HSD11B1: variants seen among roughly 807,000 people sequenced by gnomAD.
HSD11B1 encodes hydroxysteroid 11-beta dehydrogenase 1, also known as 11-beta-hydroxysteroid dehydrogenase 1.
Under a neutral mutation model 22.1 loss-of-function variants are expected in HSD11B1, and 15 were observed. The ratio of observed to expected loss-of-function variants is 0.68; its 90% CI spans 0.45 to 1.04. The LOEUF (loss-of-function observed/expected upper bound fraction) is 1.04, where lower values mean the gene tolerates loss of function less well. Among genes scored for constraint, HSD11B1 ranks in the 50% least tolerant of loss-of-function variants. The pLI is 0.00. For missense variants in HSD11B1, 281 were observed against 357.6 expected (o/e 0.79, Z 1.73); for synonymous variants, 122 against 125.2 (o/e 0.97, Z 0.17).
chr1:209,696,852 G>A lies in HSD11B1; in HGVS notation c.-48-8043G>A, dbSNP rs548321952. ...TAACATTGCTGGGCATAGCTCCAGG[G>A]GCTGCAAGCCCTCAGGGTCAAGGCC... On this transcript the variant is annotated intron_variant, in intron 1 of 6. Transcript: ENST00000261465. Among the ~76,000 whole-genome samples the A allele has an allele frequency of 9.2e-5, 14 of 152,328 alleles. No individual in the cohort carries two copies. In the South Asian group the frequency reaches 2.9e-3, roughly 32 times the overall value.
intron 4 of HSD11B1, among the ~76,000 whole-genome samples, chr1:209,716,035 T>C (rs2076927720): frequency 6.6e-6 from 1 of 152,164 alleles, no homozygotes; most frequent in Non-Finnish European, 1.5e-5. Flanking sequence ...TAAACAAGGA[T>C]GCCCACTTTC....
chr1:209,690,271 G>T (rs551909805), intron 1 of HSD11B1, among the ~76,000 whole-genome samples: 1 of 152,190 alleles, frequency 6.6e-6, no homozygotes, highest in East Asian at 1.9e-4. Context: ...GCGCCACTGC[G>T]CTCCAGCCTG....
intron 1 of HSD11B1, 149 bp from the exon 2 acceptor site, chr1:209,705,662 C>A: frequency 1.0e-6 from 1 of 953,854 alleles, no homozygotes; most frequent in Non-Finnish European, 1.6e-6. Context: ...GGCCTGTTCC[C>A]ACAGTGATTT....
intron 4 of HSD11B1, among the ~76,000 whole-genome samples, chr1:209,725,842 C>G (rs562352007): frequency 6.6e-5 from 10 of 152,134 alleles, no homozygotes; most frequent in Non-Finnish European, 1.5e-4. Flanking sequence ...ATGGTCCTTA[C>G]GTGCATTGAA....
At chr1:209,710,134 T>C (rs931355237) in intron 4 of HSD11B1, among the ~76,000 whole-genome samples, 3 of 152,162 alleles carry the variant, frequency 2.0e-5, no homozygotes, top group African/African-American at 4.8e-5. Context: ...AATACTTGAA[T>C]ATGACTAAAA....
chr1:209,728,947 T>C (rs994814773), intron 4 of HSD11B1, among the ~76,000 whole-genome samples: 1 of 152,164 alleles, frequency 6.6e-6, no homozygotes, highest in Non-Finnish European at 1.5e-5. Context: ...TACCTGCAGT[T>C]AGGAATGATG....
intron 1 of HSD11B1, among the ~76,000 whole-genome samples, chr1:209,689,122 G>A (rs2076744567): frequency 6.6e-6 from 1 of 152,144 alleles, no homozygotes; most frequent in Non-Finnish European, 1.5e-5. Flanking sequence ...GTTAGGCATG[G>A]AGCTGGAAAT....
rs371864479 is a variant in HSD11B1 at position 209,706,922 on chromosome 1, T to G, written c.332-21T>G. On this transcript the variant is annotated intron_variant, in intron 3 of 5. Coordinates refer to ENST00000367027, the MANE Select transcript of HSD11B1 (RefSeq NM_005525.4). This position sits in a 1 kb window ranked among gnomAD's most constrained non-coding sequence, Gnocchi z 4.0. ...AAGGTATCAACCCCAGATGATTTCT[T>G]AATATAGCCATCTCTTGCAGGAGGA... 5 of 1,612,948 alleles carry G rather than the reference T, an allele frequency of 3.1e-6. No homozygotes were observed. Among genetic ancestry groups the G allele is most frequent in the Non-Finnish European group, 1.7e-6 (2 of 1,179,016 alleles).
Position 209,704,891 on chromosome 1 carries a change from G to A in HSD11B1, c.-52G>A. The A allele has an allele frequency of 7.1e-7, 1 of 1,398,948 alleles. No individual in the cohort carries two copies. Among genetic ancestry groups the A allele is most frequent in the Non-Finnish European group, 1.0e-6 (1 of 984,770 alleles). The allele number at this position is 1,398,948 out of a possible 1,614,324, so 86.7% of individuals were successfully genotyped here. A position where few individuals can be genotyped will look rare whatever the true frequency, so the allele number is the denominator to read the frequency against. On this transcript the variant is annotated 5_prime_UTR_variant, in exon 1 of 6. Transcript: ENST00000367027. ...TGCTTAGGAGGTTGTAGAAAGCTCT[G>A]TAGGTTCTCTCTGTGTGTCCTACAG... is the stretch of plus-strand genomic sequence containing the variant.
intron 1 of HSD11B1, among the ~76,000 whole-genome samples, chr1:209,692,331 A>G (rs985035741): frequency 6.6e-6 from 1 of 152,210 alleles, no homozygotes; most frequent in African/African-American, 2.4e-5. Context: ...TTTAATCGGG[A>G]CTATTGCAAT....
intron 1 of HSD11B1, among the ~76,000 whole-genome samples, chr1:209,686,607 T>C (rs1001208144): frequency 1.3e-5 from 2 of 152,206 alleles, no homozygotes; most frequent in African/African-American, 2.4e-5. Flanking sequence ...AAAGATAGTA[T>C]AAAAAGTGTC....
At chr1:209,695,827 A>G (rs2076788026) in intron 1 of HSD11B1, among the ~76,000 whole-genome samples, 1 of 152,110 alleles carries the variant, frequency 6.6e-6, no homozygotes, top group African/African-American at 2.4e-5. Context: ...AAAAAGTTAA[A>G]CATAAATTTA....
chr1:209,707,860 C>T (rs1558191141), intron 4 of HSD11B1, among the ~76,000 whole-genome samples: 1 of 151,666 alleles, frequency 6.6e-6, no homozygotes, highest in Non-Finnish European at 1.5e-5. Flanking sequence ...GAGAAGTTAA[C>T]TGTTTTAACA....
At chr1:209,695,829 A>G (rs1341874038) in intron 1 of HSD11B1, among the ~76,000 whole-genome samples, 3 of 152,210 alleles carry the variant, frequency 2.0e-5, no homozygotes, top group Admixed American at 1.3e-4. Context: ...AAAGTTAAAC[A>G]TAAATTTACC....
chr1:209,705,066 T>A (rs757433704), intron 1 of HSD11B1, 36 bp downstream of exon 1: 6 of 1,516,524 alleles, frequency 4.0e-6, no homozygotes, highest in Non-Finnish European at 4.6e-6. Context: ...GAGGAATAGG[T>A]TTAAAAAACA....
chr1:209,716,988 G>A (rs186021408), intron 4 of HSD11B1, among the ~76,000 whole-genome samples: 62 of 152,180 alleles, frequency 4.1e-4, no homozygotes, highest in African/African-American at 1.4e-3. Context: ...CCATGACATT[G>A]GTCTAGGCAA....
chr1:209,699,508 C>T (rs1469346306), intron 1 of HSD11B1, among the ~76,000 whole-genome samples: 1 of 152,002 alleles, frequency 6.6e-6, no homozygotes, highest in Non-Finnish European at 1.5e-5. Context: ...GATTCAATTA[C>T]CTCCCCCAGG....
At chr1:209,732,181 T>G (rs2077039722) in intron 4 of HSD11B1, among the ~76,000 whole-genome samples, 1 of 152,220 alleles carries the variant, frequency 6.6e-6, no homozygotes, top group Non-Finnish European at 1.5e-5. Context: ...TAGCCCAGCT[T>G]GTTTATCACC....
At chr1:209,726,152 A>G (rs191107058) in intron 4 of HSD11B1, among the ~76,000 whole-genome samples, 8 of 151,906 alleles carry the variant, frequency 5.3e-5, no homozygotes, top group Non-Finnish European at 5.9e-5. Context: ...ATAGTGGCAC[A>G]TGCCTGTAGT....
Sources: allele counts gnomAD v4.1 joint callset (sites outside exome capture counted in the v4.1 genomes callset), GRCh38; gene constraint gnomAD v4.1.1; non-coding constraint Gnocchi (gnomAD v3.1); transcripts MANE v1.5; gene names NCBI Gene and HGNC (gene_info 2026-07-23, HGNC 2026-07-21).